Variants in NFIA observed in about 807,000 individuals in gnomAD.
The protein encoded by NFIA is nuclear factor 1 A-type.
In NFIA, 8 loss-of-function variants were observed where a neutral mutation model predicts 62.8. The observed-to-expected ratio is 0.13, with a 90% CI of 0.07 to 0.23. NFIA has a LOEUF of 0.23. Ranked by LOEUF, NFIA falls within the 10% of genes least tolerant of loss-of-function variation. The pLI is 1.00. For missense variants in NFIA, 410 were observed against 642.1 expected (o/e 0.64, Z 3.91); for synonymous variants, 235 against 238.1 (o/e 0.99, Z 0.12).
chr1:61,138,316 A>G (rs1393052185), intron 2 of NFIA, among the ~76,000 whole-genome samples: 1 of 152,082 alleles, frequency 6.6e-6, no homozygotes, highest in Non-Finnish European at 1.5e-5. Flanking sequence ...GGCTGGTTGC[A>G]AACCACCAGA....
At chr1:61,289,363 T>G (rs1658717881) in intron 3 of NFIA, among the ~76,000 whole-genome samples, 1 of 152,178 alleles carries the variant, frequency 6.6e-6, no homozygotes, top group Non-Finnish European at 1.5e-5. Context: ...TGATCTTATA[T>G]CATCTTAATA....
Position 61,115,977 on chromosome 1 carries a change from TCCTCCA to T in NFIA, c.559+27298_559+27303del, listed in dbSNP as rs529964719. The stretch of plus-strand genomic sequence containing the variant: ...TCACTCTGCAGCTGGATTCTGCCTT[TCCTCCA>T]GTGGTTATCTGAGGAGTGTCTGCCA... On this transcript the variant is annotated intron_variant, in intron 2 of 10. Transcript: ENST00000403491. 1.2e-4 allele frequency among the ~76,000 whole-genome samples: 18 copies of T among 152,190 alleles called. No individual in the cohort carries two copies. In the East Asian group the frequency reaches 3.3e-3, roughly 28 times the overall value.
In NFIA at chr1:61,337,350, C is replaced by T. The variant is rs115237544; in HGVS notation, c.700+4764C>T. 7.4e-3 allele frequency among the ~76,000 whole-genome samples: 1,120 copies of T among 152,132 alleles called. 4 individuals carry two copies. Among genetic ancestry groups the T allele is most frequent in the Middle Eastern group, 0.041 (12 of 294 alleles). On this transcript the variant is annotated intron_variant, in intron 4 of 10. Coordinates refer to ENST00000403491, the MANE Select transcript of NFIA (RefSeq NM_001134673.4). ...TTTTTTTTCATTATCATCTAAAGTC[C>T]ACGAAAGGCAAGAATGGAAAGTTCT...
chr1:61,149,534 T>G (rs1174964397), intron 2 of NFIA, among the ~76,000 whole-genome samples: 8 of 152,174 alleles, frequency 5.3e-5, no homozygotes, highest in Admixed American at 3.3e-4. Flanking sequence ...AAGAGCCAGT[T>G]ATTGGTACCA....
chr1:61,429,417 C>T (rs1400199140), intron 10 of NFIA, among the ~76,000 whole-genome samples: 3 of 152,212 alleles, frequency 2.0e-5, no homozygotes, highest in African/African-American at 7.2e-5. Flanking sequence ...CCTGTGCTCT[C>T]TAACCACTGT....
At chr1:61,376,431 C>T (rs1664151901) in intron 6 of NFIA, among the ~76,000 whole-genome samples, 1 of 152,138 alleles carries the variant, frequency 6.6e-6, no homozygotes, top group South Asian at 2.1e-4. Flanking sequence ...TGCAACTCAA[C>T]ATCTGGGGTC....
intron 9 of NFIA, among the ~76,000 whole-genome samples, chr1:61,421,801 A>G (rs1569838430): frequency 6.6e-6 from 1 of 152,256 alleles, no homozygotes; most frequent in African/African-American, 2.4e-5. Flanking sequence ...AATCTGGCTA[A>G]ATTTTCTCCC....
chr1:61,207,482 C>T (rs1652974634), intron 2 of NFIA, among the ~76,000 whole-genome samples: 1 of 152,166 alleles, frequency 6.6e-6, no homozygotes, highest in Non-Finnish European at 1.5e-5. Flanking sequence ...GTGCCTTCCT[C>T]CCAGCTCCCC....
intron 10 of NFIA, among the ~76,000 whole-genome samples, chr1:61,432,004 G>A (rs1284206789): frequency 1.3e-5 from 2 of 152,120 alleles, no homozygotes; most frequent in Non-Finnish European, 2.9e-5. Context: ...TCTAGCAGAG[G>A]AAACAAATGT....
intron 2 of NFIA, among the ~76,000 whole-genome samples, chr1:61,156,679 CCTGA>C (rs1372590136): frequency 3.0e-4 from 45 of 152,274 alleles, no homozygotes; most frequent in East Asian, 7.7e-4. Flanking sequence ...TCCCCAGTGC[CCTGA>C]CTGTGTTTAA....
At chr1:61,205,901 CTTTTTTTTTT>C (rs199804398) in intron 2 of NFIA, among the ~76,000 whole-genome samples, 9 of 122,538 alleles carry the variant, frequency 7.3e-5, no homozygotes, top group East Asian at 5.8e-4. Context: ...TTTTGCAGCC[CTTTTTTTTTT>C]TTTTTTTTTT....
At chr1:61,194,046 T>G (rs1165285156) in intron 2 of NFIA, among the ~76,000 whole-genome samples, 5 of 152,220 alleles carry the variant, frequency 3.3e-5, no homozygotes, top group Non-Finnish European at 7.3e-5. Flanking sequence ...ATGTGGTGGT[T>G]AAGATTAACA....
rs755462300 is a variant in NFIA, at chr1:61,404,151, A to G, written c.1123A>G (p.Ile375Val). 3.1e-6 allele frequency: 5 copies of G among 1,614,092 alleles called. No homozygotes were observed. The South Asian group carries it at 3.3e-5, about 11-fold the overall frequency. ...GACTCTTCATTTCCCGACATCACCC[A>G]TTATCCAGCAGCCTGGGCCTTACTT... is the stretch of plus-strand genomic sequence containing the variant. ...PSTLHFPTSP[I>V]IQQPGPYFSH... Residue 375 changes from isoleucine to valine, a missense_variant, in exon 8 of 11, where the codon ATT becomes GTT. Ile to Val is a conservative substitution (Grantham distance 29). Transcript: ENST00000403491.
intron 4 of NFIA, among the ~76,000 whole-genome samples, chr1:61,351,950 A>G (rs1280732646): frequency 2.6e-5 from 4 of 152,236 alleles, no homozygotes; most frequent in Admixed American, 2.6e-4. Context: ...GGTGTATGCA[A>G]GATGGAGAGG....
intron 2 of NFIA, among the ~76,000 whole-genome samples, chr1:61,116,834 G>T (rs1646800662): frequency 6.6e-6 from 1 of 152,132 alleles, no homozygotes; most frequent in South Asian, 2.1e-4. Context: ...GATGAAGGAA[G>T]ACTTAGTTTT....
intron 2 of NFIA, among the ~76,000 whole-genome samples, chr1:61,276,091 TAAA>T (rs904524236): frequency 6.6e-6 from 1 of 152,188 alleles, no homozygotes; most frequent in African/African-American, 2.4e-5. Flanking sequence ...CAGACTCAAA[TAAA>T]AATTCACTTT....
At chr1:61,423,950 T>G (rs1466783661) in intron 9 of NFIA, among the ~76,000 whole-genome samples, 1 of 152,028 alleles carries the variant, frequency 6.6e-6, no homozygotes, top group African/African-American at 2.4e-5. Context: ...ACTTGAGTAC[T>G]CAAAGACTAG....
chr1:61,316,910 G>A (rs1345445519), intron 3 of NFIA, among the ~76,000 whole-genome samples: 1 of 152,140 alleles, frequency 6.6e-6, no homozygotes, highest in Non-Finnish European at 1.5e-5. Context: ...AAAGTGTGGA[G>A]GCTCTGCACT....
At chr1:61,420,374 A>T (rs1997997) in intron 9 of NFIA, among the ~76,000 whole-genome samples, 1 of 150,702 alleles carries the variant, frequency 6.6e-6, no homozygotes. Flanking sequence ...TTCTCACAGG[A>T]CCTTTTTTTT....
Sources: allele counts gnomAD v4.1 joint callset (sites outside exome capture counted in the v4.1 genomes callset), GRCh38; gene constraint gnomAD v4.1.1; transcripts MANE v1.5; gene names NCBI Gene and HGNC (gene_info 2026-07-23, HGNC 2026-07-21).